WDR74: variants seen among roughly 807,000 people sequenced by gnomAD.
WDR74 encodes the protein WD repeat domain 74.
Under a neutral mutation model 45.6 loss-of-function variants are expected in WDR74, and 31 were observed. The observed-to-expected ratio is 0.68, with a 90% CI of 0.51 to 0.92. The LOEUF (loss-of-function observed/expected upper bound fraction) is 0.92. WDR74 is among the 40% of genes least tolerant of loss of function. The pLI is 0.00. For synonymous variants in WDR74, 191 were observed against 192.4 expected (o/e 0.99, Z 0.06); for missense variants, 455 against 497.2 (o/e 0.92, Z 0.81).
At chr11:62,838,216 G>C (rs188577678) in intron 3 of WDR74, among the ~76,000 whole-genome samples, 39 of 152,062 alleles carry the variant, frequency 2.6e-4, no homozygotes, top group African/African-American at 9.2e-4. Context: ...GCACTGGTGC[G>C]ATCTCTGCTC....
In WDR74 at chr11:62,832,977, T is replaced by C. The variant is rs762021537; in HGVS notation, c.1133A>G (p.Lys378Arg). The C allele has an allele frequency of 4.4e-6, 7 of 1,607,478 alleles. No individual in the cohort carries two copies. Among genetic ancestry groups the C allele is most frequent in the Non-Finnish European group, 5.9e-6 (7 of 1,177,342 alleles). Residue 378 changes from lysine to arginine, a missense_variant, in exon 11 of 11, where the codon AAG (lysine) becomes AGG (arginine). Physicochemically the swap from Lys to Arg is conservative, Grantham distance 26. Coordinates refer to ENST00000278856, the MANE Select transcript of WDR74 (RefSeq NM_001369450.1). ...TCAGGGGCTGGTGGACCCAGGCCGCTTCTTCTTTCTCCGTCTCGTTTGGAG... is the reference window on the plus strand; with the variant it reads ...TCAGGGGCTGGTGGACCCAGGCCGCCTCTTCTTTCTCCGTCTCGTTTGGAG... The part of the protein sequence containing the change: ...GALQTRRRKK[K>R]RPGSTSP
At chr11:62,837,113 C>T (rs2084970286) in intron 3 of WDR74, among the ~76,000 whole-genome samples, 1 of 152,086 alleles carries the variant, frequency 6.6e-6, no homozygotes, top group Admixed American at 6.6e-5. Flanking sequence ...AACTCACCAA[C>T]ACCAATAAAA....
intron 6 of WDR74, 73 bp downstream of exon 6, chr11:62,835,358 T>C: frequency 7.1e-7 from 1 of 1,416,202 alleles, no homozygotes; most frequent in Non-Finnish European, 9.9e-7. Context: ...AGCAGTTGTG[T>C]CAAACCGTGG....
chr11:62,841,663 C>CGTGGA (rs1390959363), upstream of WDR74: 1 of 152,216 alleles, frequency 6.6e-6, no homozygotes, highest in Non-Finnish European at 1.5e-5. Context: ...CAGGTCGATG[C>CGTGGA]GTGGAGTGGA....
Position 62,835,780 on chromosome 11 carries a change from T to C in WDR74, c.431A>G (p.His144Arg), listed in dbSNP as rs753919343. The C allele has an allele frequency of 2.5e-6, 4 of 1,613,830 alleles. No homozygotes were observed. Among genetic ancestry groups the C allele is most frequent in the South Asian group, 1.1e-5 (1 of 91,058 alleles). ...CTCTTTCCCACCTGTGGCAACCACATGGGGGTGTGCTGGGTCTTGGCGCAT... is the reference window on the plus strand; with the variant it reads ...CTCTTTCCCACCTGTGGCAACCACACGGGGGTGTGCTGGGTCTTGGCGCAT... ...CRMRQDPAHP[H>R]VVATGGKENA... The change falls in exon 5 of 11, where the codon CAT becomes CGT. Residue 144 changes from histidine to arginine, a missense_variant. Coordinates refer to ENST00000278856, the MANE Select transcript of WDR74 (RefSeq NM_001369450.1).
upstream of WDR74, among the ~76,000 whole-genome samples, chr11:62,840,752 C>G (rs1421792272): frequency 1.3e-5 from 2 of 152,212 alleles, no homozygotes; most frequent in Non-Finnish European, 2.9e-5. Flanking sequence ...ATTCACTTTT[C>G]TTTTGGTTTT....
chr11:62,833,666 G>A lies in WDR74; in HGVS notation c.930C>T (p.Leu310=). Residue 310 remains leucine, a synonymous_variant, in exon 10 of 11, where the codon CTC becomes CTT. Transcript: ENST00000278856. ...AGAGGAGGCAGTTCAATTGAGACTTGAGATAAACCTGCAAAAGATGAGGGA... is the reference window on the plus strand; with the variant it reads ...AGAGGAGGCAGTTCAATTGAGACTTAAGATAAACCTGCAAAAGATGAGGGA... ...NPRGLEHKVY[L]KSQLNCLLLS... The A allele has an allele frequency of 6.4e-7, 1 of 1,555,858 alleles. No homozygotes were observed. The highest frequency in any genetic ancestry group is 1.7e-4 in the Middle Eastern group (1 of 5,994).
At chr11:62,841,596 C>CT (rs1211214758), upstream of WDR74, 1 of 152,160 alleles carries the variant, frequency 6.6e-6, no homozygotes, top group Non-Finnish European at 1.5e-5. Flanking sequence ...TTCCATTAAA[C>CT]AACGGTTGTT....
At chr11:62,834,391 C>CT in intron 7 of WDR74, 36 bp downstream of exon 7, 5 of 699,848 alleles carry the variant, frequency 7.1e-6, no homozygotes, top group South Asian at 2.8e-5. Flanking sequence ...CCTTCTCAAG[C>CT]CCCACCCTCC....
In WDR74 at chr11:62,839,556, A is replaced by T; in HGVS notation, c.15T>A (p.Ala5=). MAAA[A]ARWNHVWVGT... ...CGACCCACACATGGTTCCAGCGTGC[A>T]GCAGCAGCCGCCATGACAAAGCCTG... The change falls in exon 1 of 11, where the codon GCT becomes GCA. Residue 5 remains alanine (A), a synonymous_variant. Coordinates refer to ENST00000278856, the MANE Select transcript of WDR74 (RefSeq NM_001369450.1). 1 of 1,611,448 alleles carries T rather than the reference A, an allele frequency of 6.2e-7. No homozygotes were observed. The highest frequency in any genetic ancestry group is 8.5e-7 in the Non-Finnish European group (1 of 1,178,790).
In WDR74 at chr11:62,839,437, C is replaced by A. The variant is rs2085012950; in HGVS notation, c.65-9G>T. ...TCGCTGAAGATTTACCCCTGAGAGA[C>A]GAAGGCGTCAGTCACGCCAGGGGCG... On this transcript the variant is annotated splice_polypyrimidine_tract_variant and intron_variant, in intron 1 of 10. Coordinates refer to ENST00000278856, the MANE Select transcript of WDR74 (RefSeq NM_001369450.1). 6.2e-7 allele frequency: 1 copy of A among 1,613,532 alleles called. No individual in the cohort carries two copies. Among genetic ancestry groups the A allele is most frequent in the East Asian group, 2.2e-5 (1 of 44,878 alleles).
chr11:62,839,700 T>A, upstream of WDR74: 1 of 1,177,626 alleles, frequency 8.5e-7, no homozygotes, highest in East Asian at 2.5e-5. Context: ...CTTCCATGCT[T>A]GTTTTGCTTT....
chr11:62,841,486 T>TCAAA (rs2085050774), upstream of WDR74: 1 of 152,218 alleles, frequency 6.6e-6, no homozygotes, highest in East Asian at 1.9e-4. Flanking sequence ...AACAAGACAC[T>TCAAA]CAAACACGCG....
At chr11:62,837,515 CA>C (rs367604130) in intron 3 of WDR74, among the ~76,000 whole-genome samples, 592 of 130,262 alleles carry the variant, frequency 4.5e-3, no homozygotes, top group Non-Finnish European at 6.0e-3. Flanking sequence ...AAACAAAAAA[CA>C]AAAAAAAAAA....
At chr11:62,841,280 G>A (rs998478354), upstream of WDR74, among the ~76,000 whole-genome samples, 1 of 152,080 alleles carries the variant, frequency 6.6e-6, no homozygotes, top group African/African-American at 2.4e-5. Context: ...TCATGCCATT[G>A]CACTCTAGCC....
chr11:62,838,490 G>C (rs1189640725), intron 3 of WDR74, among the ~76,000 whole-genome samples: 2 of 151,806 alleles, frequency 1.3e-5, no homozygotes, highest in Non-Finnish European at 1.5e-5. Context: ...CAGGCACAGT[G>C]GCTCACGCCT....
In WDR74 at chr11:62,833,804, AC is replaced by A. The variant is rs773619627; in HGVS notation, c.908del (p.Gly303ValfsTer12). The A allele has an allele frequency of 2.5e-6, 4 of 1,613,420 alleles. No homozygotes were observed. In the East Asian group the frequency reaches 8.9e-5, roughly 36 times the overall value. ...LRIHRIQNPR[G>X]LEHKVYLKSQ... The stretch of plus-strand genomic sequence containing the variant: ...AGAGACAACTTACCTTATGCTCCAG[AC>A]CCCGTGGATTCTGGATCCTGTGTAT... On this transcript the variant is annotated frameshift_variant, in exon 9 of 11. Transcript: ENST00000278856. LOFTEE classifies it high-confidence loss of function.
At chr11:62,838,233 A>T (rs1459489095) in intron 3 of WDR74, among the ~76,000 whole-genome samples, 1 of 152,000 alleles carries the variant, frequency 6.6e-6, no homozygotes, top group Non-Finnish European at 1.5e-5. Flanking sequence ...GCTCACTGCA[A>T]CCTCTGCGGG....
At chr11:62,841,090 G>A (rs1021462286), upstream of WDR74, among the ~76,000 whole-genome samples, 1 of 152,170 alleles carries the variant, frequency 6.6e-6, no homozygotes, top group East Asian at 1.9e-4. Flanking sequence ...AGGCTGAAGC[G>A]GGCGGATCAC....
Sources: allele counts gnomAD v4.1 joint callset (sites outside exome capture counted in the v4.1 genomes callset), GRCh38; gene constraint gnomAD v4.1.1; transcripts MANE v1.5; gene names NCBI Gene and HGNC (gene_info 2026-07-23, HGNC 2026-07-21).